GOLGA5: variants seen among roughly 807,000 people sequenced by gnomAD.
The protein encoded by GOLGA5 is golgin A5.
A neutral mutation model predicts 93.5 loss-of-function variants in GOLGA5; 50 were observed. That is an observed-to-expected ratio of 0.53 (90% CI 0.43 to 0.68). The LOEUF (loss-of-function observed/expected upper bound fraction) is 0.68. Among genes scored for constraint, GOLGA5 ranks in the 30% least tolerant of loss-of-function variants. GOLGA5 has a pLI of 0.00. For synonymous variants in GOLGA5, 312 were observed against 304.5 expected (o/e 1.02, Z -0.26); for missense variants, 760 against 856.4 (o/e 0.89, Z 1.40).
intron 2 of GOLGA5, among the ~76,000 whole-genome samples, chr14:92,798,702 G>A (rs554308887): frequency 1.2e-4 from 19 of 152,352 alleles, no homozygotes; most frequent in Middle Eastern, 3.4e-3. Context: ...GAGCACTCGT[G>A]CCCAGGAGTT....
At chr14:92,829,272 A>T (rs1022208391) in intron 9 of GOLGA5, among the ~76,000 whole-genome samples, 1 of 152,048 alleles carries the variant, frequency 6.6e-6, no homozygotes, top group Non-Finnish European at 1.5e-5. Flanking sequence ...GAGTCTTATC[A>T]CTTAAGACAT....
intron 8 of GOLGA5, among the ~76,000 whole-genome samples, chr14:92,820,361 CAG>C (rs572155273): frequency 2.2e-4 from 33 of 152,364 alleles, no homozygotes; most frequent in African/African-American, 7.9e-4. Context: ...TAAAGACTAA[CAG>C]AGCAGCATTG....
intron 9 of GOLGA5, among the ~76,000 whole-genome samples, chr14:92,828,512 T>G (rs1177771486): frequency 6.6e-6 from 1 of 152,188 alleles, no homozygotes; most frequent in Non-Finnish European, 1.5e-5. Flanking sequence ...ACCCAAGAAC[T>G]CTAATAGAGC....
intron 2 of GOLGA5, among the ~76,000 whole-genome samples, chr14:92,798,980 G>GT (rs1447473237): frequency 6.6e-6 from 1 of 152,086 alleles, no homozygotes; most frequent in Non-Finnish European, 1.5e-5. Flanking sequence ...TTCTTTTGTT[G>GT]TTTTGAGACA....
At chr14:92,800,128 A>G (rs957368860) in intron 2 of GOLGA5, among the ~76,000 whole-genome samples, 5 of 152,348 alleles carry the variant, frequency 3.3e-5, no homozygotes, top group South Asian at 2.1e-4. Flanking sequence ...CTATCTTTCA[A>G]TTAATTACAC....
At position 92,839,760 on chromosome 14, in the gene GOLGA5, T is replaced by C. The variant is rs1278163900; in HGVS notation, c.*314T>C. 2 of 309,384 alleles carry C rather than the reference T, an allele frequency of 6.5e-6. No homozygotes were observed. Among genetic ancestry groups the C allele is most frequent in the East Asian group, 9.6e-5 (2 of 20,868 alleles). The allele number at this position is 309,384 out of a possible 1,614,324, so 19.2% of individuals were successfully genotyped here. ...CAGACCATCTGTATGTTAGGTGACA[T>C]TGATTATGGGTTATAATCAGGGAAA... On this transcript the variant is annotated 3_prime_UTR_variant, in exon 13 of 13. Transcript: ENST00000163416.
intron 4 of GOLGA5, 127 bp from the exon 5 acceptor site, chr14:92,810,127 A>T: frequency 1.6e-6 from 1 of 632,484 alleles, no homozygotes. Context: ...GGAAAGATTT[A>T]TCTAAGAATA....
chr14:92,813,450 GA>G (rs772338932), intron 6 of GOLGA5, among the ~76,000 whole-genome samples: 6 of 152,194 alleles, frequency 3.9e-5, no homozygotes, highest in Admixed American at 1.3e-4. Flanking sequence ...GTGGTATAAA[GA>G]GAAACTTGAA....
chr14:92,838,299 A>G lies in GOLGA5; in HGVS notation c.2115+850A>G, dbSNP rs1246702619. 2.0e-5 allele frequency among the ~76,000 whole-genome samples: 3 copies of G among 152,276 alleles called. No homozygotes were observed. The East Asian group carries it at 5.8e-4, about 29-fold the overall frequency. On this transcript the variant is annotated intron_variant, in intron 12 of 12. Transcript: ENST00000163416. ...AAAATGGGCTGTTTTCTTGAAAAGA[A>G]ATTTCTTTAAAAAGAAATTTCTCTG...
intron 9 of GOLGA5, 60 bp from the exon 10 acceptor site, chr14:92,833,062 A>T: frequency 1.1e-6 from 1 of 913,686 alleles, no homozygotes. Context: ...TAGTAGTGTG[A>T]TTTCTGTATT....
chr14:92,831,660 T>TG (rs1277682143), intron 9 of GOLGA5, among the ~76,000 whole-genome samples: 1 of 152,174 alleles, frequency 6.6e-6, no homozygotes, highest in Non-Finnish European at 1.5e-5. Context: ...TAAAAAATCT[T>TG]GAAGTATGTT....
chr14:92,816,542 GCTTCT>G (rs1555405175), intron 7 of GOLGA5, 121 bp downstream of exon 7: 1 of 699,878 alleles, frequency 1.4e-6, no homozygotes, highest in Non-Finnish European at 2.3e-6. Context: ...GCTTCGCTTC[GCTTCT>G]CTTCTCTTCC....
chr14:92,811,830 C>A, intron 6 of GOLGA5, 76 bp downstream of exon 6: 1 of 1,017,948 alleles, frequency 9.8e-7, no homozygotes, highest in Non-Finnish European at 1.5e-6. Flanking sequence ...TGTGTAGATA[C>A]TGTGTGAGGT....
At chr14:92,835,743 C>T (rs985847477) in intron 11 of GOLGA5, 79 bp downstream of exon 11, 100 of 745,508 alleles carry the variant, frequency 1.3e-4, no homozygotes, top group Non-Finnish European at 2.1e-4. Flanking sequence ...CAGTGACTCC[C>T]ATCAGGCAGA....
At chr14:92,834,668 G>A (rs1432752177) in intron 10 of GOLGA5, among the ~76,000 whole-genome samples, 2 of 152,250 alleles carry the variant, frequency 1.3e-5, no homozygotes, top group South Asian at 2.1e-4. Flanking sequence ...AGAGAGCTTA[G>A]AATAGGCCGT....
chr14:92,817,278 G>T (rs1175946421), intron 7 of GOLGA5, among the ~76,000 whole-genome samples: 1 of 152,102 alleles, frequency 6.6e-6, no homozygotes, highest in Non-Finnish European at 1.5e-5. Context: ...AAGTTATGGT[G>T]ATAAAAAACA....
rs558444440 is a variant in GOLGA5, at chr14:92,815,790, G to A, written c.1321-461G>A. Reference sequence around the variant, plus strand: ...GCGATCTCGGCTCACTGCAAGCTCCGCCTCCCGGGTTCACGCCATTCTTCT... The same window carrying A: ...GCGATCTCGGCTCACTGCAAGCTCCACCTCCCGGGTTCACGCCATTCTTCT... On this transcript the variant is annotated intron_variant, in intron 6 of 12. Coordinates refer to ENST00000163416, the MANE Select transcript of GOLGA5 (RefSeq NM_005113.4). Among the ~76,000 whole-genome samples, 30 of 139,164 alleles carry A rather than the reference G, an allele frequency of 2.2e-4. No individual in the cohort carries two copies. In the East Asian group the frequency reaches 5.7e-3, roughly 26 times the overall value. 91.3% of individuals were successfully genotyped at this position (139,164 alleles called of 152,430 possible). A position where few individuals can be genotyped will look rare whatever the true frequency, so the allele number is the denominator to read the frequency against.
intron 9 of GOLGA5, among the ~76,000 whole-genome samples, chr14:92,827,347 A>AT (rs1489422988): frequency 9.9e-5 from 15 of 152,086 alleles, no homozygotes; most frequent in African/African-American, 2.9e-4. Context: ...AATATTTCTG[A>AT]TTTTTTAATT....
chr14:92,817,583 G>A (rs544332157), intron 7 of GOLGA5, among the ~76,000 whole-genome samples: 5 of 152,104 alleles, frequency 3.3e-5, no homozygotes, highest in South Asian at 2.1e-4. Context: ...CATAAATATC[G>A]TAGGAAGGAG....
Sources: allele counts gnomAD v4.1 joint callset (sites outside exome capture counted in the v4.1 genomes callset), GRCh38; gene constraint gnomAD v4.1.1; transcripts MANE v1.5; gene names NCBI Gene and HGNC (gene_info 2026-07-23, HGNC 2026-07-21).